The following HS3ST4 variants were observed in gnomAD, a reference collection of about 807,000 sequenced individuals.
HS3ST4 encodes the protein heparan sulfate glucosamine 3-O-sulfotransferase 4.
Under a neutral mutation model 29.2 loss-of-function variants are expected in HS3ST4, and 17 were observed. That is an observed-to-expected ratio of 0.58 (90% CI 0.40 to 0.87). The LOEUF (loss-of-function observed/expected upper bound fraction) is 0.87, where lower values mean the gene tolerates loss of function less well. Ranked by LOEUF, HS3ST4 falls within the 40% of genes least tolerant of loss-of-function variation. The probability of loss-of-function intolerance (pLI) is 0.00; values close to 1 mark genes in which losing one functional copy is unlikely to be tolerated. For missense variants in HS3ST4, 627 were observed against 634.5 expected, an observed-to-expected ratio of 0.99 and a Z score of 0.13; for synonymous variants, 314 against 285.7, an observed-to-expected ratio of 1.10 and a Z score of -1.00.
At position 25,814,842 on chromosome 16, in the gene HS3ST4, G is replaced by A. The variant is rs141775332; in HGVS notation, c.734+121691G>A. 6.6e-5 allele frequency among the ~76,000 whole-genome samples: 10 copies of A among 152,188 alleles called. No individual in the cohort carries two copies. In the South Asian group the frequency reaches 8.3e-4, roughly 13 times the overall value. On this transcript the variant is annotated intron_variant, in intron 1 of 1. Coordinates refer to ENST00000331351, the MANE Select transcript of HS3ST4 (RefSeq NM_006040.3). Reference sequence around the variant, plus strand: ...GCAATGATTTCTGGTGTAATTGCACGTTGTCCAGATAATGGAGCCACAAAT... The same window carrying A: ...GCAATGATTTCTGGTGTAATTGCACATTGTCCAGATAATGGAGCCACAAAT...
At chr16:25,913,754 G>A (rs897954372) in intron 1 of HS3ST4, among the ~76,000 whole-genome samples, 28 of 152,158 alleles carry the variant, frequency 1.8e-4, no homozygotes, top group African/African-American at 6.7e-4. Context: ...TGTGGTAGAT[G>A]TGTGTGTGTA....
chr16:25,999,863 A>T (rs1467778734), intron 1 of HS3ST4, among the ~76,000 whole-genome samples: 12 of 131,758 alleles, frequency 9.1e-5, no homozygotes, highest in Non-Finnish European at 1.2e-4. Flanking sequence ...TTATATATAT[A>T]TTATATATTT....
intron 1 of HS3ST4, among the ~76,000 whole-genome samples, chr16:26,099,613 G>C (rs1275140531): frequency 6.6e-6 from 1 of 152,156 alleles, no homozygotes; most frequent in Non-Finnish European, 1.5e-5. Context: ...GTCATCATCA[G>C]ACTTCATGAG....
intron 1 of HS3ST4, among the ~76,000 whole-genome samples, chr16:25,895,531 G>C (rs1040581199): frequency 1.3e-5 from 2 of 152,046 alleles, no homozygotes; most frequent in African/African-American, 4.8e-5. Flanking sequence ...AACTGGAGCC[G>C]AGACTGTGGC....
chr16:25,914,477 T>C (rs1968272458), intron 1 of HS3ST4, among the ~76,000 whole-genome samples: 1 of 150,520 alleles, frequency 6.6e-6, no homozygotes, highest in African/African-American at 2.5e-5. Context: ...GTTAGTGGGG[T>C]GTGTAAGCAA....
chr16:25,752,652 T>A (rs1966729673), intron 1 of HS3ST4, among the ~76,000 whole-genome samples: 1 of 152,230 alleles, frequency 6.6e-6, no homozygotes, highest in African/African-American at 2.4e-5. Context: ...TTGTCTTAGA[T>A]TAACCACTAA....
At chr16:25,975,110 G>A (rs1005044083) in intron 1 of HS3ST4, among the ~76,000 whole-genome samples, 1 of 152,104 alleles carries the variant, frequency 6.6e-6, no homozygotes, top group Non-Finnish European at 1.5e-5. Context: ...CTACAAAGCT[G>A]TAAAAAAGAA....
At chr16:26,099,999 G>A (rs1898972638) in intron 1 of HS3ST4, among the ~76,000 whole-genome samples, 1 of 152,166 alleles carries the variant, frequency 6.6e-6, no homozygotes, top group African/African-American at 2.4e-5. Flanking sequence ...TCTGGAGGAA[G>A]GGTCTTCTCA....
chr16:25,726,582 C>T (rs1437371731), intron 1 of HS3ST4, among the ~76,000 whole-genome samples: 4 of 152,088 alleles, frequency 2.6e-5, no homozygotes. Context: ...AATTTTTCTC[C>T]AGGAAGCTTA....
rs1406987432 is a variant in HS3ST4 at position 25,740,031 on chromosome 16, T to G, written c.734+46880T>G. 2.6e-5 allele frequency among the ~76,000 whole-genome samples: 4 copies of G among 152,110 alleles called. No homozygotes were observed. In the South Asian group the frequency reaches 6.2e-4, roughly 24 times the overall value. ...TTCCTTTTTTTCTTTCTTTCCTTAT[T>G]TTTTTAGCCCCCAAGGATTCTGACT... is the stretch of plus-strand genomic sequence containing the variant. On this transcript the variant is annotated intron_variant, in intron 1 of 1. Coordinates refer to ENST00000331351, the MANE Select transcript of HS3ST4 (RefSeq NM_006040.3).
At chr16:26,020,613 C>T (rs971645932) in intron 1 of HS3ST4, among the ~76,000 whole-genome samples, 3 of 152,198 alleles carry the variant, frequency 2.0e-5, no homozygotes, top group East Asian at 3.9e-4. Flanking sequence ...TGCTGCTGCT[C>T]TGGGAAACAC....
At chr16:26,066,600 T>G (rs181142728) in intron 1 of HS3ST4, among the ~76,000 whole-genome samples, 4 of 152,288 alleles carry the variant, frequency 2.6e-5, no homozygotes, top group African/African-American at 9.6e-5. Context: ...ACCTGGGTGA[T>G]TTCCAACACA....
At chr16:26,121,620 A>T (rs1269439843) in intron 1 of HS3ST4, among the ~76,000 whole-genome samples, 1 of 152,156 alleles carries the variant, frequency 6.6e-6, no homozygotes, top group Non-Finnish European at 1.5e-5. Flanking sequence ...GTGAGCTGGC[A>T]CACAGCTCAG....
intron 1 of HS3ST4, among the ~76,000 whole-genome samples, chr16:25,879,045 A>AGT (rs1967865788): frequency 6.6e-6 from 1 of 152,176 alleles, no homozygotes; most frequent in African/African-American, 2.4e-5. Flanking sequence ...TTAGGGTGTC[A>AGT]CTGACTGAAG....
intron 1 of HS3ST4, among the ~76,000 whole-genome samples, chr16:25,882,055 G>T (rs1440102402): frequency 2.0e-5 from 3 of 152,082 alleles, no homozygotes; most frequent in African/African-American, 7.2e-5. Flanking sequence ...GCCTCTTTGG[G>T]GAAACTGAGG....
chr16:26,025,062 C>T (rs1969453988), intron 1 of HS3ST4, among the ~76,000 whole-genome samples: 1 of 152,032 alleles, frequency 6.6e-6, no homozygotes, highest in Non-Finnish European at 1.5e-5. Context: ...CATCCTATCC[C>T]CTTAAGACCA....
chr16:26,015,125 G>A (rs1353903109), intron 1 of HS3ST4, among the ~76,000 whole-genome samples: 1 of 152,198 alleles, frequency 6.6e-6, no homozygotes, highest in Non-Finnish European at 1.5e-5. Context: ...AGGCTGCCAA[G>A]TCGACCTAAG....
At chr16:25,951,981 TTAAA>T (rs1968687269) in intron 1 of HS3ST4, among the ~76,000 whole-genome samples, 1 of 148,782 alleles carries the variant, frequency 6.7e-6, no homozygotes, top group South Asian at 2.1e-4. Context: ...AAAAAAAGAA[TTAAA>T]TAAAAAAGAA....
intron 1 of HS3ST4, among the ~76,000 whole-genome samples, chr16:25,848,570 A>G (rs535375249): frequency 1.3e-5 from 2 of 151,850 alleles, no homozygotes; most frequent in African/African-American, 2.4e-5. Flanking sequence ...ATGTAAATTT[A>G]TATCTAGTAT....
Sources: allele counts gnomAD v4.1 joint callset (sites outside exome capture counted in the v4.1 genomes callset), GRCh38; gene constraint gnomAD v4.1.1; transcripts MANE v1.5; gene names NCBI Gene and HGNC (gene_info 2026-07-23, HGNC 2026-07-21).